SIAH3: variants seen among roughly 807,000 people sequenced by gnomAD.
SIAH3 encodes siah E3 ubiquitin protein ligase family member 3, also known as seven in absentia homolog 3.
A neutral mutation model predicts 12.6 loss-of-function variants in SIAH3; 9 were observed. The ratio of observed to expected loss-of-function variants is 0.72; its 90% CI spans 0.43 to 1.25. SIAH3 has a LOEUF of 1.25. SIAH3 is among the 50% of genes most tolerant of loss of function. The pLI is 0.00. For synonymous variants in SIAH3, 154 were observed against 151.1 expected, an observed-to-expected ratio of 1.02 and a Z score of -0.14; for missense variants, 390 against 365.4, an observed-to-expected ratio of 1.07 and a Z score of -0.55.
chr13:45,817,335 T>A (rs1334489750), intron 1 of SIAH3, among the ~76,000 whole-genome samples: 1 of 152,252 alleles, frequency 6.6e-6, no homozygotes, highest in Non-Finnish European at 1.5e-5. Flanking sequence ...CTATGCCATA[T>A]AGCCTAGGTG....
At chr13:45,821,853 A>G (rs1950656891) in intron 1 of SIAH3, among the ~76,000 whole-genome samples, 3 of 152,214 alleles carry the variant, frequency 2.0e-5, no homozygotes, top group Admixed American at 6.5e-5. Flanking sequence ...GTTCACTGTG[A>G]AATATCTGGA....
intron 1 of SIAH3, among the ~76,000 whole-genome samples, chr13:45,805,091 AGAT>A (rs1850382573): frequency 1.3e-5 from 2 of 152,110 alleles, no homozygotes; most frequent in South Asian, 2.1e-4. Context: ...AAGAAATCAT[AGAT>A]GATACAAGCA....
Position 45,780,840 on chromosome 13 carries a change from T to G in SIAH3, c.*2543A>C, listed in dbSNP as rs1950501170. 6.6e-6 allele frequency: 1 copy of G among 152,200 alleles called. No individual in the cohort carries two copies. The highest frequency in any genetic ancestry group is 2.4e-5 in the African/African-American group (1 of 41,456). 9.4% of individuals were successfully genotyped at this position (152,200 alleles called of 1,614,324 possible). On this transcript the variant is annotated 3_prime_UTR_variant, in exon 2 of 2. Transcript: ENST00000400405. ...TTAGAACCTCTATTCTGTTAGTATA[T>G]TGAGGATACTAATGAGGATTAACCT...
chr13:45,823,650 T>C (rs1312272899), intron 1 of SIAH3, among the ~76,000 whole-genome samples: 1 of 152,230 alleles, frequency 6.6e-6, no homozygotes. Context: ...AAAACTGCTA[T>C]CCAAAGACAC....
At chr13:45,807,634 C>A (rs2137561902) in intron 1 of SIAH3, among the ~76,000 whole-genome samples, 1 of 152,258 alleles carries the variant, frequency 6.6e-6, no homozygotes, top group Non-Finnish European at 1.5e-5. Flanking sequence ...ACTTAGGGAC[C>A]TAGAGAAGAC....
intron 1 of SIAH3, among the ~76,000 whole-genome samples, chr13:45,841,373 C>G (rs1950739556): frequency 6.6e-6 from 1 of 152,200 alleles, no homozygotes; most frequent in African/African-American, 2.4e-5. Flanking sequence ...CTCCAAGGGG[C>G]TGCAGTGGCC....
chr13:45,838,280 T>A (rs990714905), intron 1 of SIAH3, among the ~76,000 whole-genome samples: 1 of 152,116 alleles, frequency 6.6e-6, no homozygotes, highest in African/African-American at 2.4e-5. Flanking sequence ...AAGGAGTGGG[T>A]GGTAAGTGCC....
rs772325195 is a variant in SIAH3 at position 45,783,792 on chromosome 13, T to C, written c.401A>G (p.Asp134Gly). 1.2e-5 allele frequency: 20 copies of C among 1,614,192 alleles called. No individual in the cohort carries two copies. The highest frequency in any genetic ancestry group is 1.6e-4 in the Middle Eastern group (1 of 6,062). Residue 134 changes from aspartate to glycine, a missense_variant, in exon 2 of 2, where the codon GAC (aspartate) becomes GGC (glycine). Asp to Gly is a moderately conservative substitution (Grantham distance 94, BLOSUM62 -1). Coordinates refer to ENST00000400405, the MANE Select transcript of SIAH3 (RefSeq NM_198849.3). ...GACGATCTCGGCTCCCTGGAGGATG[T>C]CAACCCTATGGATCTGCCGCAGGTG... Reference protein sequence around the residue: ...VPHLRQIHRVDILQGAEIVFL... With the variant: ...VPHLRQIHRVGILQGAEIVFL...
intron 1 of SIAH3, among the ~76,000 whole-genome samples, chr13:45,784,398 G>GTTTTTTTTTTTTTTTTTTTTT (rs35686357): frequency 1.1e-4 from 7 of 65,794 alleles, no homozygotes; most frequent in Non-Finnish European, 1.7e-4. Flanking sequence ...AAAGACAGCT[G>GTTTTTTTTTTTTTTTTTTTTT]TTTTTTTTTT....
In SIAH3 at chr13:45,843,728, C is replaced by T. The variant is rs187077966; in HGVS notation, c.135+7767G>A. ...AGGCCAAAGATAACTCACAAAATAC[C>T]AAGAAACAGCAAGCACTAAAGCTTG... On this transcript the variant is annotated intron_variant, in intron 1 of 1. Coordinates refer to ENST00000400405, the MANE Select transcript of SIAH3 (RefSeq NM_198849.3). Among the ~76,000 whole-genome samples, 433 of 152,234 alleles carry T rather than the reference C, an allele frequency of 2.8e-3. 1 individual carries two copies. Among genetic ancestry groups the T allele is most frequent in the Non-Finnish European group, 5.2e-3 (352 of 68,002 alleles).
intron 1 of SIAH3, among the ~76,000 whole-genome samples, chr13:45,844,087 A>G (rs1950750135): frequency 6.6e-6 from 1 of 152,232 alleles, no homozygotes; most frequent in Non-Finnish European, 1.5e-5. Flanking sequence ...AGGCAGAACT[A>G]TTACCTTGTT....
At chr13:45,838,866 G>C (rs975272645) in intron 1 of SIAH3, among the ~76,000 whole-genome samples, 1 of 151,852 alleles carries the variant, frequency 6.6e-6, no homozygotes, top group Non-Finnish European at 1.5e-5. Context: ...CCGGATACAT[G>C]GCTTGTAGGC....
intron 1 of SIAH3, among the ~76,000 whole-genome samples, chr13:45,784,396 CTGTTTTTTTTT>C (rs1950518823): frequency 9.8e-6 from 1 of 102,012 alleles, no homozygotes; most frequent in Admixed American, 9.7e-5. Flanking sequence ...ACAAAGACAG[CTGTTTTTTTTT>C]TTTTTTTTTT....
rs542360766 is a variant in SIAH3 at position 45,789,615 on chromosome 13, C to T, written c.136-5558G>A. 1.4e-4 allele frequency among the ~76,000 whole-genome samples: 22 copies of T among 152,230 alleles called. No individual in the cohort carries two copies. In the South Asian group the frequency reaches 3.7e-3, roughly 26 times the overall value. On this transcript the variant is annotated intron_variant, in intron 1 of 1. Coordinates refer to ENST00000400405, the MANE Select transcript of SIAH3 (RefSeq NM_198849.3). ...AGGGACGGGGTTTCACCATGTTGGC[C>T]GGGCTGCTCTTGAAGTCCTGACTTC...
chr13:45,834,391 G>A (rs1950710772), intron 1 of SIAH3, among the ~76,000 whole-genome samples: 1 of 152,178 alleles, frequency 6.6e-6, no homozygotes, highest in Admixed American at 6.5e-5. Context: ...ACATCGATGG[G>A]CTCCCTGGGA....
chr13:45,791,984 C>T (rs1230378841), intron 1 of SIAH3, among the ~76,000 whole-genome samples: 1 of 152,182 alleles, frequency 6.6e-6, no homozygotes, highest in African/African-American at 2.4e-5. Context: ...ACCATAGCTC[C>T]TCCAGCTGTC....
At chr13:45,794,965 T>TA (rs371779019) in intron 1 of SIAH3, among the ~76,000 whole-genome samples, 8 of 151,844 alleles carry the variant, frequency 5.3e-5, no homozygotes, top group Non-Finnish European at 7.4e-5. Context: ...TTTTTTTTTT[T>TA]AAATCTTGCC....
intron 1 of SIAH3, among the ~76,000 whole-genome samples, chr13:45,817,126 G>A (rs1452252087): frequency 6.6e-6 from 1 of 152,190 alleles, no homozygotes; most frequent in South Asian, 2.1e-4. Context: ...AAACATACAC[G>A]CAGACACACA....
chr13:45,809,314 C>G (rs1410835754), intron 1 of SIAH3, among the ~76,000 whole-genome samples: 1 of 119,572 alleles, frequency 8.4e-6, no homozygotes, highest in Non-Finnish European at 1.7e-5. Flanking sequence ...GTCTGGAAAT[C>G]ATTACACGTG....
Sources: allele counts gnomAD v4.1 joint callset (sites outside exome capture counted in the v4.1 genomes callset), GRCh38; gene constraint gnomAD v4.1.1; transcripts MANE v1.5; gene names NCBI Gene and HGNC (gene_info 2026-07-23, HGNC 2026-07-21).